Variants in UXS1 observed in about 807,000 individuals in gnomAD.
UXS1 encodes UDP-glucuronic acid decarboxylase 1.
Under a neutral mutation model 62.6 loss-of-function variants are expected in UXS1, and 33 were observed. The observed-to-expected ratio is 0.53, with a 90% CI of 0.40 to 0.70. The LOEUF (loss-of-function observed/expected upper bound fraction) is 0.70. UXS1 is among the 30% of genes least tolerant of loss of function. UXS1 has a pLI of 0.00. For synonymous variants in UXS1, 213 were observed against 206.8 expected (o/e 1.03, Z -0.26); for missense variants, 434 against 556.3 (o/e 0.78, Z 2.21).
At chr2:106,143,214 C>A (rs191480075) in intron 6 of UXS1, among the ~76,000 whole-genome samples, 8 of 151,214 alleles carry the variant, frequency 5.3e-5, no homozygotes, top group South Asian at 2.1e-4. Flanking sequence ...GGAGACCATC[C>A]TGGCTAACAG....
At chr2:106,190,909 T>C (rs570902540) in intron 1 of UXS1, among the ~76,000 whole-genome samples, 1 of 152,228 alleles carries the variant, frequency 6.6e-6, no homozygotes, top group South Asian at 2.1e-4. Context: ...AGCTACCTAG[T>C]AGGTTGGCCT....
At chr2:106,154,739 A>T (rs190502615) in intron 5 of UXS1, among the ~76,000 whole-genome samples, 26 of 152,340 alleles carry the variant, frequency 1.7e-4, no homozygotes, top group Admixed American at 1.0e-3. Flanking sequence ...GCAGAAAAAG[A>T]AAAATGACTT....
intron 4 of UXS1, among the ~76,000 whole-genome samples, chr2:106,162,772 T>C (rs1274915193): frequency 1.3e-5 from 2 of 152,226 alleles, no homozygotes; most frequent in Admixed American, 6.5e-5. Flanking sequence ...GACTGCTCAG[T>C]TGAGGATAAG....
intron 7 of UXS1, among the ~76,000 whole-genome samples, chr2:106,126,629 A>G (rs1166289650): frequency 6.6e-6 from 1 of 152,202 alleles, no homozygotes; most frequent in Non-Finnish European, 1.5e-5. Flanking sequence ...TAGCTTCAAA[A>G]TGAAGGACTC....
chr2:106,103,875 G>A (rs778313590), intron 11 of UXS1, among the ~76,000 whole-genome samples: 37 of 151,944 alleles, frequency 2.4e-4, no homozygotes, highest in Admixed American at 1.6e-3. Flanking sequence ...ATTTCTCCAC[G>A]GGACTCCTAC....
At chr2:106,174,495 G>A (rs1022366042) in intron 1 of UXS1, among the ~76,000 whole-genome samples, 2 of 152,168 alleles carry the variant, frequency 1.3e-5, no homozygotes, top group Admixed American at 6.5e-5. Context: ...AGGATGGTCT[G>A]AGATAAGTAC....
chr2:106,117,170 G>A (rs546081422), intron 9 of UXS1, among the ~76,000 whole-genome samples: 63 of 152,282 alleles, frequency 4.1e-4, no homozygotes, highest in African/African-American at 1.4e-3. Flanking sequence ...GAGTGAGTAC[G>A]CCCTGTGAGA....
chr2:106,181,327 C>T (rs1345345303), intron 1 of UXS1, among the ~76,000 whole-genome samples: 5 of 152,200 alleles, frequency 3.3e-5, no homozygotes, highest in African/African-American at 9.7e-5. Context: ...CCCCAGCTCC[C>T]GGCACATGCT....
At chr2:106,151,622 C>T (rs938297002) in intron 5 of UXS1, among the ~76,000 whole-genome samples, 4 of 152,200 alleles carry the variant, frequency 2.6e-5, no homozygotes, top group South Asian at 2.1e-4. Flanking sequence ...TCTGTTACAG[C>T]GGCACAAAAC....
At chr2:106,139,424 A>C (rs976886415) in intron 6 of UXS1, among the ~76,000 whole-genome samples, 1 of 152,186 alleles carries the variant, frequency 6.6e-6, no homozygotes, top group African/African-American at 2.4e-5. Flanking sequence ...CGGCCCTTCT[A>C]TGAATCCTGA....
At chr2:106,172,186 G>A (rs986449469) in intron 1 of UXS1, among the ~76,000 whole-genome samples, 1 of 152,236 alleles carries the variant, frequency 6.6e-6, no homozygotes, top group Non-Finnish European at 1.5e-5. Context: ...AGGGCGTGGA[G>A]AACCCTTCCC....
intron 12 of UXS1, 26 bp downstream of exon 12, chr2:106,101,032 C>A (rs759338871): frequency 1.2e-6 from 2 of 1,613,722 alleles, no homozygotes; most frequent in African/African-American, 1.3e-5. Flanking sequence ...AGCTGTCCTG[C>A]AGAGTGGAGG....
intron 1 of UXS1, among the ~76,000 whole-genome samples, chr2:106,172,164 G>C (rs1683605830): frequency 6.6e-6 from 1 of 152,222 alleles, no homozygotes; most frequent in Non-Finnish European, 1.5e-5. Context: ...TGTATGGGGA[G>C]GACCCCCTGA....
chr2:106,181,075 A>G (rs936683994), intron 1 of UXS1, among the ~76,000 whole-genome samples: 3 of 152,234 alleles, frequency 2.0e-5, no homozygotes, highest in Non-Finnish European at 4.4e-5. Context: ...AAAGAAAAAG[A>G]GGGAAACCAA....
chr2:106,146,981 C>T (rs369625594), intron 5 of UXS1, among the ~76,000 whole-genome samples: 3 of 151,676 alleles, frequency 2.0e-5, no homozygotes, highest in East Asian at 3.9e-4. Flanking sequence ...GGTGAAACCC[C>T]GTCTCTACTA....
chr2:106,181,559 A>C (rs1238489230), intron 1 of UXS1, among the ~76,000 whole-genome samples: 1 of 151,970 alleles, frequency 6.6e-6, no homozygotes, highest in Admixed American at 6.6e-5. Flanking sequence ...TCTCAACTAA[A>C]ATACAAAAAA....
chr2:106,186,183 G>GAT, intron 1 of UXS1, among the ~76,000 whole-genome samples: 1 of 152,272 alleles, frequency 6.6e-6, no homozygotes, highest in Admixed American at 6.5e-5. Flanking sequence ...TGGAGAACAA[G>GAT]ATATTCGCAC....
intron 4 of UXS1, among the ~76,000 whole-genome samples, chr2:106,158,783 TCAAA>T (rs1339652268): frequency 1.3e-5 from 2 of 152,204 alleles, no homozygotes; most frequent in African/African-American, 2.4e-5. Flanking sequence ...CCAGGGTCAC[TCAAA>T]CAGAGGTCGC....
At chr2:106,178,570 A>G (rs944168612) in intron 1 of UXS1, among the ~76,000 whole-genome samples, 15 of 138,092 alleles carry the variant, frequency 1.1e-4, no homozygotes, top group South Asian at 2.2e-4. Context: ...GTGTGTGTGT[A>G]TATATATATG....
Sources: allele counts gnomAD v4.1 joint callset (sites outside exome capture counted in the v4.1 genomes callset), GRCh38; gene constraint gnomAD v4.1.1; transcripts MANE v1.5; gene names NCBI Gene and HGNC (gene_info 2026-07-23, HGNC 2026-07-21).